GOLGA8H: variants seen among roughly 807,000 people sequenced by gnomAD.
The protein encoded by GOLGA8H is golgin A8 family member H.
A neutral mutation model predicts 82.7 loss-of-function variants in GOLGA8H; 47 were observed. That is an observed-to-expected ratio of 0.57 (90% CI 0.45 to 0.73). The LOEUF (loss-of-function observed/expected upper bound fraction) is 0.73, where lower values mean the gene tolerates loss of function less well. Among genes scored for constraint, GOLGA8H ranks in the 30% least tolerant of loss-of-function variants. GOLGA8H has a pLI of 0.00. For synonymous variants in GOLGA8H, 108 were observed against 241.6 expected, an observed-to-expected ratio of 0.45 and a Z score of 5.13; for missense variants, 372 against 661.0, an observed-to-expected ratio of 0.56 and a Z score of 4.79.
At chr15:30,609,654 G>A (rs569021481) in intron 8 of GOLGA8H, among the ~76,000 whole-genome samples, 152 bp from the exon 9 acceptor site, 1 of 151,838 alleles carries the variant, frequency 6.6e-6, no homozygotes, top group East Asian at 1.9e-4. Flanking sequence ...CAACTTTACT[G>A]TGTTCTTTTA....
chr15:30,616,800 T>C lies in GOLGA8H; in HGVS notation c.*2239T>C, dbSNP rs1485284463. On this transcript the variant is annotated 3_prime_UTR_variant, in exon 19 of 19. Coordinates refer to ENST00000566740, the MANE Select transcript of GOLGA8H (RefSeq NM_001282490.2). ...CATTGATAAATTATTGCAAAGGTAC[T>C]TTTATCGTTGAAATCACTTCACTTT... Among the ~76,000 whole-genome samples, 9 of 150,272 alleles carry C rather than the reference T, an allele frequency of 6.0e-5. No individual in the cohort carries two copies. Among genetic ancestry groups the C allele is most frequent in the Non-Finnish European group, 1.3e-4 (9 of 67,684 alleles).
Position 30,605,959 on chromosome 15 carries a change from G to C in GOLGA8H, c.165G>C (p.Gly55=). 1 of 1,595,976 alleles carries C rather than the reference G, an allele frequency of 6.3e-7. No individual in the cohort carries two copies. Residue 55 remains glycine (G), a synonymous_variant, in exon 2 of 19, where the codon GGG becomes GGC. Transcript: ENST00000566740. ...CTTCTGGTGGTTGCCAGCCACCTGGGGATGTGAGTCTTGGCTGACCAGGCT... is the reference window on the plus strand; with the variant it reads ...CTTCTGGTGGTTGCCAGCCACCTGGCGATGTGAGTCTTGGCTGACCAGGCT... The part of the protein sequence containing the change: ...KATSGGCQPP[G]DSATGFHREG...
At chr15:30,605,759 GTGTATTTTGTAAAAAC>G (rs1299643879) in intron 1 of GOLGA8H, 68 bp from the exon 2 acceptor site, 2 of 1,555,484 alleles carry the variant, frequency 1.3e-6, no homozygotes, top group African/African-American at 2.7e-5. Flanking sequence ...TGGTGTGTAA[GTGTATTTTGTAAAAAC>G]TGTAAAGGAG....
chr15:30,606,188 A>C (rs2059921455), intron 2 of GOLGA8H, among the ~76,000 whole-genome samples: 1 of 151,490 alleles, frequency 6.6e-6, no homozygotes, highest in African/African-American at 2.4e-5. Context: ...CCCTGTCTCT[A>C]CTAAAAATAC....
In GOLGA8H at chr15:30,605,942, G is replaced by C; in HGVS notation, c.148G>C (p.Gly50Arg). The C allele has an allele frequency of 1.9e-6, 3 of 1,596,994 alleles. No homozygotes were observed. The East Asian group carries it at 6.7e-5, about 36-fold the overall frequency. The change falls in exon 2 of 19, where the codon GGT (glycine) becomes CGT (arginine). Residue 50 changes from glycine to arginine, a missense_variant. By Grantham distance (125) the Gly-to-Arg change is moderately radical. Transcript: ENST00000566740. ...TGTCCCTGAGAAAGCCACTTCTGGT[G>C]GTTGCCAGCCACCTGGGGATGTGAG... ...GSVPEKATSG[G>R]CQPPGDSATG...
rs1467890423 is a variant in GOLGA8H at position 30,616,944 on chromosome 15, A to G, written c.*2383A>G. On this transcript the variant is annotated 3_prime_UTR_variant, in exon 19 of 19. Coordinates refer to ENST00000566740, the MANE Select transcript of GOLGA8H (RefSeq NM_001282490.2). The stretch of plus-strand genomic sequence containing the variant: ...GATTAAATCACACACTGGCATATTT[A>G]AGCTGAAGGTCAGTCTGGAAAATAA... 2 of 149,156 alleles carry G rather than the reference A, an allele frequency of 1.3e-5. No individual in the cohort carries two copies. Among genetic ancestry groups the G allele is most frequent in the African/African-American group, 2.5e-5 (1 of 39,894 alleles). 9.2% of individuals were successfully genotyped at this position (149,156 alleles called of 1,614,324 possible).
rs1051726004 is a variant in GOLGA8H at position 30,615,402 on chromosome 15, G to T, written c.*841G>T. ...AGGGCTTATTTCTGAGGAATGAAAG[G>T]TTCCCATCATTGACTGTGGATGTGG... is the stretch of plus-strand genomic sequence containing the variant. On this transcript the variant is annotated 3_prime_UTR_variant, in exon 19 of 19. Transcript: ENST00000566740. Among the ~76,000 whole-genome samples the T allele has an allele frequency of 1.1e-4, 16 of 151,946 alleles. No individual in the cohort carries two copies. The highest frequency in any genetic ancestry group is 3.6e-4 in the African/African-American group (15 of 41,352).
At chr15:30,607,795 T>C (rs2059945688) in intron 4 of GOLGA8H, 2 of 594,152 alleles carry the variant, frequency 3.4e-6, no homozygotes, top group Admixed American at 3.0e-5. Context: ...TATATTGCTG[T>C]CCTCTCAAGA....
rs913584268 is a variant in GOLGA8H, at chr15:30,608,357, G to A, written c.375G>A (p.Gln125=). Residue 125 remains glutamine (Q), a synonymous_variant, in exon 6 of 19, where the codon CAG becomes CAA. Coordinates refer to ENST00000566740, the MANE Select transcript of GOLGA8H (RefSeq NM_001282490.2). ...EEEKKANNKK[Q]KAKRVLEVQI... is the part of the protein sequence containing the mutation. ...AAAAGAAAGCAAACAACAAGAAACA[G>A]AAAGCCAAAAGGGTGCTAGAGGTGA... The A allele has an allele frequency of 1.9e-5, 30 of 1,582,756 alleles. No individual in the cohort carries two copies. Among genetic ancestry groups the A allele is most frequent in the African/African-American group, 4.1e-5 (3 of 73,792 alleles).
Position 30,613,823 on chromosome 15 carries a change from G to T in GOLGA8H, c.1422G>T (p.Lys474Asn). 3 of 1,601,178 alleles carry T rather than the reference G, an allele frequency of 1.9e-6. No homozygotes were observed. The highest frequency in any genetic ancestry group is 2.5e-6 in the Non-Finnish European group (3 of 1,178,980). The part of the protein sequence containing the change: ...EEKADLSELV[K>N]KKELCFIHHW... ...AGGCAGACCTGAGTGAGCTGGTGAA[G>T]AAAAAAGAACTCTGCTTCATCCACC... Residue 474 changes from lysine to asparagine, a missense_variant, in exon 16 of 19, where the codon AAG (lysine) becomes AAT (asparagine). Coordinates refer to ENST00000566740, the MANE Select transcript of GOLGA8H (RefSeq NM_001282490.2).
chr15:30,608,880 C>A, intron 8 of GOLGA8H, 124 bp downstream of exon 8: 1 of 888,936 alleles, frequency 1.1e-6, no homozygotes, highest in Non-Finnish European at 1.8e-6. Context: ...TTTCTTGCTA[C>A]TTTTTTGTAT....
chr15:30,609,860 G>T lies in GOLGA8H; in HGVS notation c.646G>T (p.Glu216Ter), dbSNP rs778997867. The change falls in exon 9 of 19, where the codon GAG (glutamate) becomes TAG (stop). Residue 216 changes from glutamate to a stop codon, truncating the protein, a stop_gained. Coordinates refer to ENST00000566740, the MANE Select transcript of GOLGA8H (RefSeq NM_001282490.2). LOFTEE classifies it high-confidence loss of function. The part of the protein sequence containing the change: ...TEWKLEQSMR[E>*]EALLKVQLTQ... ...GTGGAAGTTAGAGCAGTCCATGCGG[G>T]AGGAGGCACTACTGAAAGTGCAGCT... The T allele has an allele frequency of 2.5e-6, 4 of 1,601,450 alleles. No individual in the cohort carries two copies. Among genetic ancestry groups the T allele is most frequent in the Non-Finnish European group, 3.4e-6 (4 of 1,172,276 alleles).
chr15:30,606,491 C>A (rs1283472931), intron 2 of GOLGA8H, among the ~76,000 whole-genome samples: 1 of 151,510 alleles, frequency 6.6e-6, no homozygotes, highest in African/African-American at 2.4e-5. Flanking sequence ...TATTGTTTCA[C>A]TTCCATTTGT....
chr15:30,609,661 T>C (rs2059984437), intron 8 of GOLGA8H, 145 bp from the exon 9 acceptor site: 1 of 1,071,314 alleles, frequency 9.3e-7, no homozygotes, highest in Non-Finnish European at 1.4e-6. Context: ...ACTGTGTTCT[T>C]TTAAAAACCA....
rs2060094162 is a variant in GOLGA8H, at chr15:30,615,494, G to A, written c.*933G>A. Reference sequence around the variant, plus strand: ...TTTAAAGTCAGAGTTCATGTTACCTGTTTTAATCACATGACTACATGTCCC... The same window carrying A: ...TTTAAAGTCAGAGTTCATGTTACCTATTTTAATCACATGACTACATGTCCC... On this transcript the variant is annotated 3_prime_UTR_variant, in exon 19 of 19. Transcript: ENST00000566740. Among the ~76,000 whole-genome samples the A allele has an allele frequency of 6.6e-6, 1 of 151,246 alleles. No individual in the cohort carries two copies. Among genetic ancestry groups the A allele is most frequent in the African/African-American group, 2.4e-5 (1 of 41,068 alleles).
intron 4 of GOLGA8H, chr15:30,607,819 G>T (rs1156900778): frequency 3.4e-6 from 2 of 593,134 alleles, no homozygotes; most frequent in Non-Finnish European, 6.0e-6. Context: ...TCCAGATTCA[G>T]ACTTTGAGTT....
rs909499787 is a variant in GOLGA8H, at chr15:30,611,418, G to C, written c.1200+72G>C. The C allele has an allele frequency of 7.6e-5, 109 of 1,429,808 alleles. 2 individuals are homozygous for C. The African/African-American group carries it at 1.5e-3, about 19-fold the overall frequency. 88.6% of individuals were successfully genotyped at this position (1,429,808 alleles called of 1,614,324 possible). ...CGGGCAGCAGCCTCTTGGGAGGGGA[G>C]GTGCCAGGCCAGAGGCAGCTTCCAG... is the stretch of plus-strand genomic sequence containing the variant. On this transcript the variant is annotated intron_variant, in intron 13 of 18. Coordinates refer to ENST00000566740, the MANE Select transcript of GOLGA8H (RefSeq NM_001282490.2).
chr15:30,610,126 C>T lies in GOLGA8H; in HGVS notation c.786+20C>T, dbSNP rs1259304737. 2 of 1,609,324 alleles carry T rather than the reference C, an allele frequency of 1.2e-6. No homozygotes were observed. The highest frequency in any genetic ancestry group is 2.2e-5 in the South Asian group (2 of 90,948). On this transcript the variant is annotated intron_variant, in intron 10 of 18. Coordinates refer to ENST00000566740, the MANE Select transcript of GOLGA8H (RefSeq NM_001282490.2). ...CAGGAGGTGAGATCTCACCCTTCAG[C>T]CCCCCCACATTAGATAGGTCACTGG... is the stretch of plus-strand genomic sequence containing the variant.
At position 30,608,379 on chromosome 15, in the gene GOLGA8H, G is replaced by A. The variant is rs2059958391; in HGVS notation, c.396+1G>A. 4 of 1,570,312 alleles carry A rather than the reference G, an allele frequency of 2.5e-6. No homozygotes were observed. The highest frequency in any genetic ancestry group is 2.6e-6 in the Non-Finnish European group (3 of 1,160,858). On this transcript the variant is annotated splice_donor_variant, in intron 6 of 18. Coordinates refer to ENST00000566740, the MANE Select transcript of GOLGA8H (RefSeq NM_001282490.2). LOFTEE classifies it high-confidence loss of function. ...ACAGAAAGCCAAAAGGGTGCTAGAG[G>A]TGAGTGGAGGGTGTGCAGTTTCCTC...
Sources: gnomAD v4.1 joint callset for allele counts (sites outside exome capture counted in the v4.1 genomes callset) on GRCh38, gnomAD v4.1.1 for gene constraint, MANE v1.5 for transcripts, NCBI Gene and HGNC (gene_info 2026-07-23, HGNC 2026-07-21) for gene names.